Variants in CFAP58 observed in about 807,000 individuals in gnomAD.
CFAP58 encodes cilia and flagella associated protein 58.
In CFAP58, 88 loss-of-function variants were observed where a neutral mutation model predicts 119.5. That is an observed-to-expected ratio of 0.74 (90% CI 0.62 to 0.88). The LOEUF (loss-of-function observed/expected upper bound fraction) is 0.88, where lower values mean the gene tolerates loss of function less well. Among genes scored for constraint, CFAP58 ranks in the 40% least tolerant of loss-of-function variants. The pLI, the probability that CFAP58 is intolerant of heterozygous loss-of-function variation, is 0.00. For missense variants in CFAP58, 990 were observed against 1,021.2 expected, an observed-to-expected ratio of 0.97 and a Z score of 0.42; for synonymous variants, 365 against 366.3, an observed-to-expected ratio of 1.00 and a Z score of 0.04.
At position 104,381,064 on chromosome 10, in the gene CFAP58, C is replaced by T. The variant is rs114880676; in HGVS notation, c.1365+844C>T. Among the ~76,000 whole-genome samples the T allele has an allele frequency of 3.7e-3, 566 of 151,996 alleles. 1 individual carries two copies. The highest frequency in any genetic ancestry group is 0.013 in the African/African-American group (537 of 41,464). On this transcript the variant is annotated intron_variant, in intron 9 of 17. Transcript: ENST00000369704. Reference sequence around the variant, plus strand: ...ACTTGGAGGGCTGCGGTAGGAGGAACGCTTGAGCCCGGGAGGTGGAGGCTA... The same window carrying T: ...ACTTGGAGGGCTGCGGTAGGAGGAATGCTTGAGCCCGGGAGGTGGAGGCTA...
intron 3 of CFAP58, among the ~76,000 whole-genome samples, chr10:104,364,285 T>A (rs915044366): frequency 6.6e-6 from 1 of 152,158 alleles, no homozygotes; most frequent in African/African-American, 2.4e-5. Context: ...TTACCAGAGT[T>A]GACAATAGCA....
intron 15 of CFAP58, among the ~76,000 whole-genome samples, chr10:104,424,174 T>C (rs2012705313): frequency 1.3e-5 from 2 of 152,204 alleles, no homozygotes; most frequent in African/African-American, 4.8e-5. Context: ...GTATTTAATG[T>C]GTAGGAAACA....
upstream of CFAP58, chr10:104,352,008 T>C (rs2014465715): frequency 6.6e-6 from 1 of 152,136 alleles, no homozygotes; most frequent in African/African-American, 2.4e-5. Context: ...GAAGGGAATC[T>C]CAAGTAGCCT....
chr10:104,374,985 G>T (rs1284841374), intron 7 of CFAP58, among the ~76,000 whole-genome samples: 1 of 151,682 alleles, frequency 6.6e-6, no homozygotes, highest in African/African-American at 2.4e-5. Flanking sequence ...GTATGGAAAG[G>T]TATTTATTCT....
At chr10:104,434,894 C>A (rs553460166) in intron 15 of CFAP58, among the ~76,000 whole-genome samples, 1 of 152,324 alleles carries the variant, frequency 6.6e-6, no homozygotes, top group Admixed American at 6.5e-5. Context: ...GGAATTGAGT[C>A]TTCTACACAG....
chr10:104,393,815 C>T (rs759580478), intron 11 of CFAP58, among the ~76,000 whole-genome samples: 1 of 152,234 alleles, frequency 6.6e-6, no homozygotes, highest in Non-Finnish European at 1.5e-5. Context: ...AAGCTTGCTA[C>T]AATCCCTCTG....
intron 9 of CFAP58, chr10:104,382,129 G>A (rs1310686415): frequency 2.8e-6 from 2 of 717,390 alleles, no homozygotes; most frequent in East Asian, 5.4e-5. Context: ...TTTCCAGGCT[G>A]ACTCTGTCAG....
intron 15 of CFAP58, among the ~76,000 whole-genome samples, chr10:104,417,253 C>T (rs767909505): frequency 2.0e-5 from 3 of 152,252 alleles, no homozygotes; most frequent in Admixed American, 1.3e-4. Flanking sequence ...TGTTGCTTAA[C>T]CTTCCTATGC....
intron 9 of CFAP58, among the ~76,000 whole-genome samples, chr10:104,388,587 T>G (rs900562781): frequency 6.6e-6 from 1 of 152,222 alleles, no homozygotes; most frequent in Admixed American, 6.5e-5. Context: ...AGTTTCATTA[T>G]GAAGGTAAAA....
At chr10:104,412,607 G>A (rs1436003102) in intron 15 of CFAP58, among the ~76,000 whole-genome samples, 2 of 152,112 alleles carry the variant, frequency 1.3e-5, no homozygotes, top group Non-Finnish European at 1.5e-5. Context: ...AGAATATTTT[G>A]CAATTAGGAA....
chr10:104,376,137 A>G (rs1228164994), intron 7 of CFAP58, among the ~76,000 whole-genome samples: 1 of 152,198 alleles, frequency 6.6e-6, no homozygotes, highest in African/African-American at 2.4e-5. Context: ...GCAAGGAAAT[A>G]CATTTTGGGG....
intron 15 of CFAP58, among the ~76,000 whole-genome samples, chr10:104,437,042 A>G (rs1205295288): frequency 1.3e-5 from 2 of 152,226 alleles, no homozygotes; most frequent in Non-Finnish European, 1.5e-5. Context: ...TCAGTCATTG[A>G]AATGTTCTAT....
At chr10:104,430,750 C>T (rs1265192377) in intron 15 of CFAP58, among the ~76,000 whole-genome samples, 1 of 151,852 alleles carries the variant, frequency 6.6e-6, no homozygotes, top group Non-Finnish European at 1.5e-5. Flanking sequence ...TAATGTGAGC[C>T]ATGTGTGTGA....
chr10:104,451,895 A>ATT (rs57385012), intron 17 of CFAP58, among the ~76,000 whole-genome samples: 86 of 143,940 alleles, frequency 6.0e-4, no homozygotes, highest in Admixed American at 1.2e-3. Flanking sequence ...TGCCCAGCTA[A>ATT]TTTTTTTTTT....
intron 15 of CFAP58, among the ~76,000 whole-genome samples, chr10:104,423,615 A>G (rs1157060409): frequency 6.6e-6 from 1 of 152,118 alleles, no homozygotes; most frequent in Admixed American, 6.6e-5. Context: ...TAGATTACTT[A>G]GAGTCCAAAG....
intron 15 of CFAP58, among the ~76,000 whole-genome samples, chr10:104,427,025 G>C (rs1301601571): frequency 6.6e-6 from 1 of 152,228 alleles, no homozygotes; most frequent in Non-Finnish European, 1.5e-5. Flanking sequence ...GAATGGCCAA[G>C]AAGCCACTGC....
At chr10:104,436,798 T>C (rs1054019251) in intron 15 of CFAP58, among the ~76,000 whole-genome samples, 2 of 152,226 alleles carry the variant, frequency 1.3e-5, no homozygotes, top group Non-Finnish European at 2.9e-5. Context: ...CTGCCTGTCA[T>C]TGAAGGCATA....
At chr10:104,439,233 G>C (rs563498934) in intron 15 of CFAP58, among the ~76,000 whole-genome samples, 1 of 152,122 alleles carries the variant, frequency 6.6e-6, no homozygotes, top group East Asian at 1.9e-4. Context: ...TTGGGTGATG[G>C]GTTTACCCTG....
At chr10:104,435,627 C>T (rs1372435054) in intron 15 of CFAP58, among the ~76,000 whole-genome samples, 1 of 152,190 alleles carries the variant, frequency 6.6e-6, no homozygotes, top group Non-Finnish European at 1.5e-5. Context: ...AGATTCTCCT[C>T]CCTTGTTGAC....
Sources: gnomAD v4.1 joint callset for allele counts (sites outside exome capture counted in the v4.1 genomes callset) on GRCh38, gnomAD v4.1.1 for gene constraint, MANE v1.5 for transcripts, NCBI Gene and HGNC (gene_info 2026-07-23, HGNC 2026-07-21) for gene names.